The following C8orf34 variants were observed in gnomAD, a reference collection of about 807,000 sequenced individuals.
The protein encoded by C8orf34 is uncharacterized protein C8orf34.
In C8orf34, 65 loss-of-function variants were observed where a neutral mutation model predicts 68.3. The ratio of observed to expected loss-of-function variants is 0.95; its 90% CI spans 0.78 to 1.17. C8orf34 has a LOEUF of 1.17. Among genes scored for constraint, C8orf34 ranks in the 50% most tolerant of loss-of-function variants. The pLI is 0.00. For synonymous variants in C8orf34, 244 were observed against 241.2 expected, an observed-to-expected ratio of 1.01 and a Z score of -0.11; for missense variants, 664 against 655.4, an observed-to-expected ratio of 1.01 and a Z score of -0.14.
At chr8:68,406,886 T>A (rs867875932) in intron 1 of C8orf34, among the ~76,000 whole-genome samples, 1 of 152,098 alleles carries the variant, frequency 6.6e-6, no homozygotes, top group Non-Finnish European at 1.5e-5. Context: ...GAAGCACAGG[T>A]GATGCTGTGA....
chr8:68,402,713 A>G (rs1331619217), intron 1 of C8orf34, among the ~76,000 whole-genome samples: 1 of 152,112 alleles, frequency 6.6e-6, no homozygotes, highest in Admixed American at 6.6e-5. Flanking sequence ...ATATTTGTAT[A>G]GTTTCCAAAG....
intron 1 of C8orf34, among the ~76,000 whole-genome samples, chr8:68,387,607 G>T (rs1288338614): frequency 6.6e-6 from 1 of 152,072 alleles, no homozygotes; most frequent in African/African-American, 2.4e-5. Flanking sequence ...TAAGGAAGAA[G>T]ATACAGAAAT....
intron 8 of C8orf34, among the ~76,000 whole-genome samples, chr8:68,660,083 G>C (rs928653884): frequency 6.6e-6 from 1 of 152,094 alleles, no homozygotes; most frequent in Non-Finnish European, 1.5e-5. Flanking sequence ...CCCAGTCTGG[G>C]GGATTCATCC....
chr8:68,682,488 C>A (rs2130880319), intron 8 of C8orf34, among the ~76,000 whole-genome samples: 1 of 152,220 alleles, frequency 6.6e-6, no homozygotes, highest in South Asian at 2.1e-4. Flanking sequence ...CCTTACATTT[C>A]TTTATAAGTG....
chr8:68,569,731 T>C (rs1471952649), intron 7 of C8orf34, among the ~76,000 whole-genome samples: 2 of 152,104 alleles, frequency 1.3e-5, no homozygotes, highest in South Asian at 2.1e-4. Flanking sequence ...TGAATTAGAG[T>C]ATCATCTGTC....
intron 11 of C8orf34, among the ~76,000 whole-genome samples, chr8:68,782,728 GT>G (rs1255520717): frequency 2.0e-5 from 3 of 152,084 alleles, no homozygotes. Flanking sequence ...AGAGCTGCTT[GT>G]GCTAAAAATC....
intron 7 of C8orf34, among the ~76,000 whole-genome samples, chr8:68,578,738 TA>T (rs1816978714): frequency 6.6e-6 from 1 of 152,052 alleles, no homozygotes; most frequent in African/African-American, 2.4e-5. Flanking sequence ...TTGCCACTAG[TA>T]CATAACACAT....
At chr8:68,517,112 T>A (rs1228028930) in intron 5 of C8orf34, among the ~76,000 whole-genome samples, 1 of 152,226 alleles carries the variant, frequency 6.6e-6, no homozygotes, top group Non-Finnish European at 1.5e-5. Context: ...TTAAAATATT[T>A]TCAAAATAAT....
At chr8:68,337,408 A>T (rs1389522621) in intron 1 of C8orf34, among the ~76,000 whole-genome samples, 1 of 152,196 alleles carries the variant, frequency 6.6e-6, no homozygotes, top group African/African-American at 2.4e-5. Context: ...TCTACAAAGT[A>T]ACTTTTCTAG....
At chr8:68,577,854 CTT>C (rs1451452571) in intron 7 of C8orf34, among the ~76,000 whole-genome samples, 1 of 151,130 alleles carries the variant, frequency 6.6e-6, no homozygotes, top group East Asian at 1.9e-4. Context: ...TAAAAAAAAA[CTT>C]TCTGTGAAAT....
In C8orf34 at chr8:68,331,232, G is replaced by T; in HGVS notation, c.220G>T (p.Val74Phe). 6.5e-7 allele frequency: 1 copy of T among 1,536,200 alleles called. No individual in the cohort carries two copies. Among genetic ancestry groups the T allele is most frequent in the Non-Finnish European group, 8.7e-7 (1 of 1,146,916 alleles). ...CCCCAGCGGAGGCGCACAGCCGCGC[G>T]TTCTCCCTGCACTCTCTTCGCGGTC... ...VVPSGGAQPR[V>F]LPALSSRSHL... is the part of the protein sequence containing the mutation. The change falls in exon 1 of 14, where the codon GTT becomes TTT. Residue 74 changes from valine (V) to phenylalanine (F), a missense_variant. Transcript: ENST00000518698.
intron 7 of C8orf34, among the ~76,000 whole-genome samples, chr8:68,539,081 A>C (rs902807067): frequency 7.9e-5 from 12 of 152,192 alleles, no homozygotes; most frequent in African/African-American, 2.9e-4. Flanking sequence ...AAAATGTTTG[A>C]AGCAGCACAA....
At chr8:68,358,901 G>C (rs1806864709) in intron 1 of C8orf34, among the ~76,000 whole-genome samples, 2 of 151,886 alleles carry the variant, frequency 1.3e-5, no homozygotes, top group African/African-American at 4.8e-5. Context: ...TTTCACTGTT[G>C]TTGGTCACTC....
At position 68,725,554 on chromosome 8, in the gene C8orf34, A is replaced by ATTAT. The variant is rs577180479; in HGVS notation, c.1404+4119_1404+4122dup. 9.8e-5 allele frequency among the ~76,000 whole-genome samples: 15 copies of ATTAT among 152,348 alleles called. No individual in the cohort carries two copies. In the South Asian group the frequency reaches 2.9e-3, roughly 29 times the overall value. ...TCACATATTTGTACAGCACTTTTTA[A>ATTAT]TTATTAAGTGCTTCACATATTTTAT... On this transcript the variant is annotated intron_variant, in intron 10 of 13. Coordinates refer to ENST00000518698, the MANE Select transcript of C8orf34 (RefSeq NM_052958.4).
chr8:68,427,986 C>G (rs1204760333), intron 1 of C8orf34, among the ~76,000 whole-genome samples: 2 of 148,190 alleles, frequency 1.3e-5, no homozygotes, highest in East Asian at 3.9e-4. Flanking sequence ...TAATTATGTT[C>G]TATTATTAAA....
intron 8 of C8orf34, among the ~76,000 whole-genome samples, chr8:68,676,004 T>G (rs560759118): frequency 5.7e-4 from 87 of 152,182 alleles, no homozygotes; most frequent in Admixed American, 1.0e-3. Context: ...TATATAATAA[T>G]GGGGTCAGTT....
At chr8:68,496,930 A>T (rs771169528) in intron 5 of C8orf34, among the ~76,000 whole-genome samples, 16 of 152,282 alleles carry the variant, frequency 1.1e-4, no homozygotes, top group Admixed American at 3.3e-4. Flanking sequence ...GAGCTGCTTT[A>T]TATGCTATGT....
intron 7 of C8orf34, among the ~76,000 whole-genome samples, chr8:68,601,012 A>AT (rs1288269197): frequency 2.0e-5 from 3 of 152,078 alleles, no homozygotes; most frequent in African/African-American, 4.8e-5. Context: ...GAAAACATGC[A>AT]TTTTTTGCCT....
chr8:68,395,921 T>G (rs979486327), intron 1 of C8orf34, among the ~76,000 whole-genome samples: 4 of 152,140 alleles, frequency 2.6e-5, no homozygotes, highest in African/African-American at 7.2e-5. Context: ...AGGAAGTAAG[T>G]GTACATAGTG....
Sources: allele counts gnomAD v4.1 joint callset (sites outside exome capture counted in the v4.1 genomes callset), GRCh38; gene constraint gnomAD v4.1.1; transcripts MANE v1.5; gene names NCBI Gene and HGNC (gene_info 2026-07-23, HGNC 2026-07-21).